Variants in TEAD1 observed in about 807,000 individuals in gnomAD.
The protein encoded by TEAD1 is transcriptional enhancer factor TEF-1.
A neutral mutation model predicts 54.9 loss-of-function variants in TEAD1; 9 were observed. That is an observed-to-expected ratio of 0.16 (90% confidence interval 0.10 to 0.29). The LOEUF (loss-of-function observed/expected upper bound fraction) is 0.29, where lower values mean the gene tolerates loss of function less well. TEAD1 is among the 10% of genes least tolerant of loss of function. The probability of loss-of-function intolerance (pLI) is 1.00; values close to 1 mark genes in which losing one functional copy is unlikely to be tolerated. For missense variants in TEAD1, 387 were observed against 535.9 expected, an observed-to-expected ratio of 0.72 and a Z score of 2.74; for synonymous variants, 200 against 187.8, an observed-to-expected ratio of 1.07 and a Z score of -0.53.
intron 3 of TEAD1, among the ~76,000 whole-genome samples, chr11:12,791,028 C>T (rs1029553518): frequency 6.6e-6 from 1 of 152,206 alleles, no homozygotes; most frequent in Non-Finnish European, 1.5e-5. Flanking sequence ...TATGTCCACG[C>T]AAAGACTTGT....
chr11:12,906,102 C>T (rs1211280538), intron 10 of TEAD1, among the ~76,000 whole-genome samples: 3 of 152,128 alleles, frequency 2.0e-5, no homozygotes, highest in African/African-American at 7.2e-5. Context: ...ATGAGTACCC[C>T]TCTACCATAT....
intron 3 of TEAD1, among the ~76,000 whole-genome samples, chr11:12,780,043 A>G (rs1331756411): frequency 6.6e-6 from 1 of 152,152 alleles, no homozygotes; most frequent in Non-Finnish European, 1.5e-5. Context: ...CTTCAATATT[A>G]TACTGGAGTA....
At chr11:12,838,926 G>A (rs1286022713) in intron 3 of TEAD1, among the ~76,000 whole-genome samples, 2 of 152,264 alleles carry the variant, frequency 1.3e-5, no homozygotes, top group South Asian at 2.1e-4. Flanking sequence ...ACATAAAATG[G>A]TTTCTCAACA....
chr11:12,696,780 G>A (rs1306414454), intron 2 of TEAD1, among the ~76,000 whole-genome samples: 1 of 152,030 alleles, frequency 6.6e-6, no homozygotes, highest in African/African-American at 2.4e-5. Flanking sequence ...GCTCCATTTG[G>A]TTACATGTGC....
At chr11:12,739,463 T>C (rs1333294931) in intron 2 of TEAD1, among the ~76,000 whole-genome samples, 1 of 152,172 alleles carries the variant, frequency 6.6e-6, no homozygotes, top group Non-Finnish European at 1.5e-5. Flanking sequence ...CTCCTAGCCC[T>C]TGTCAACCAC....
At chr11:12,719,585 G>GGA (rs1944139313) in intron 2 of TEAD1, among the ~76,000 whole-genome samples, 2 of 137,188 alleles carry the variant, frequency 1.5e-5, no homozygotes, top group African/African-American at 5.4e-5. Context: ...GGGGGGAGGG[G>GGA]GGGCGGGGGG....
chr11:12,777,167 A>T (rs1212911053), intron 3 of TEAD1, among the ~76,000 whole-genome samples: 1 of 152,058 alleles, frequency 6.6e-6, no homozygotes, highest in Non-Finnish European at 1.5e-5. Flanking sequence ...CACAGTCTTA[A>T]AGGTGTGATA....
chr11:12,811,893 T>C (rs1188452294), intron 3 of TEAD1, among the ~76,000 whole-genome samples: 1 of 152,036 alleles, frequency 6.6e-6, no homozygotes, highest in East Asian at 1.9e-4. Context: ...AGTTCTTTCA[T>C]GTCTGGGGTG....
rs1283341511 is a variant in TEAD1 at position 12,837,746 on chromosome 11, T to C, written c.203-24504T>C. Among the ~76,000 whole-genome samples the C allele has an allele frequency of 5.0e-5, 7 of 138,990 alleles. No individual in the cohort carries two copies. The South Asian group carries it at 1.6e-3, about 32-fold the overall frequency. 91.2% of individuals were successfully genotyped at this position (138,990 alleles called of 152,430 possible). A position where few individuals can be genotyped will look rare whatever the true frequency, so the allele number is the denominator to read the frequency against. On this transcript the variant is annotated intron_variant, in intron 3 of 12. Transcript: ENST00000527636. ...CTTCTTCTTCTCCTCCTCCTTCTTC[T>C]TCCTCCTCTTCCTCTTCTTCTTCCT...
intron 3 of TEAD1, 28 bp from the exon 4 acceptor site, chr11:12,862,222 C>T: frequency 6.2e-7 from 1 of 1,603,012 alleles, no homozygotes; most frequent in African/African-American, 1.3e-5. Flanking sequence ...TGGTAACCCA[C>T]CTCATGGTAA....
chr11:12,881,433 A>C (rs1379550809), intron 7 of TEAD1, among the ~76,000 whole-genome samples: 3 of 152,122 alleles, frequency 2.0e-5, no homozygotes, highest in Non-Finnish European at 4.4e-5. Flanking sequence ...CTAGTAGACA[A>C]ATCCTACTGA....
chr11:12,808,925 T>TCTCGCAAAA (rs1564947221), intron 3 of TEAD1, among the ~76,000 whole-genome samples: 1 of 152,114 alleles, frequency 6.6e-6, no homozygotes, highest in Non-Finnish European at 1.5e-5. Context: ...GCTGCATAAT[T>TCTCGCAAAA]CTCGCAAAAT....
intron 3 of TEAD1, among the ~76,000 whole-genome samples, chr11:12,846,988 C>T (rs1029887477): frequency 6.6e-6 from 1 of 152,128 alleles, no homozygotes; most frequent in Non-Finnish European, 1.5e-5. Context: ...TTCTGCATTC[C>T]ATAAGCATCC....
intron 2 of TEAD1, among the ~76,000 whole-genome samples, chr11:12,676,559 T>G (rs565368921): frequency 6.6e-6 from 1 of 152,226 alleles, no homozygotes; most frequent in Non-Finnish European, 1.5e-5. Flanking sequence ...TCTGAATGCT[T>G]ACAAGGACTA....
intron 2 of TEAD1, among the ~76,000 whole-genome samples, chr11:12,760,902 C>G (rs1945089284): frequency 6.6e-6 from 1 of 152,106 alleles, no homozygotes; most frequent in African/African-American, 2.4e-5. Flanking sequence ...AAATTCTCTG[C>G]CCATATGTAA....
Position 12,898,401 on chromosome 11 carries a change from T to G in TEAD1, c.700-3539T>G, listed in dbSNP as rs113967933. The stretch of plus-strand genomic sequence containing the variant: ...TATAATTTATTGAACATGAACACTT[T>G]TTTTTTTTTTTGAGACGGAGTATCT... On this transcript the variant is annotated intron_variant, in intron 9 of 12. Coordinates refer to ENST00000527636, the MANE Select transcript of TEAD1 (RefSeq NM_021961.6). Among the ~76,000 whole-genome samples, 715 of 151,572 alleles carry G rather than the reference T, an allele frequency of 4.7e-3. 1 individual carries two copies. Among genetic ancestry groups the G allele is most frequent in the African/African-American group, 0.016 (673 of 41,396 alleles).
At chr11:12,877,646 T>G in intron 5 of TEAD1, among the ~76,000 whole-genome samples, 1 of 149,102 alleles carries the variant, frequency 6.7e-6, no homozygotes, top group African/African-American at 2.5e-5. Context: ...GCAACAAGAG[T>G]GAAACTCCAT....
chr11:12,916,848 T>C (rs572013657), intron 10 of TEAD1, among the ~76,000 whole-genome samples: 7 of 151,978 alleles, frequency 4.6e-5, no homozygotes, highest in African/African-American at 1.7e-4. Flanking sequence ...CCTGAAGAAC[T>C]ATGTGGGTGA....
At position 12,700,532 on chromosome 11, in the gene TEAD1, G is replaced by C. The variant is rs79266468; in HGVS notation, c.-55+24971G>C. 2.0e-5 allele frequency among the ~76,000 whole-genome samples: 3 copies of C among 152,314 alleles called. No individual in the cohort carries two copies. The East Asian group carries it at 5.8e-4, about 29-fold the overall frequency. Reference sequence around the variant, plus strand: ...AATGATGTTATACCTGTGGGGTGCAGTGGAAACGAGTTTTGCGTATATTTT... The same window carrying C: ...AATGATGTTATACCTGTGGGGTGCACTGGAAACGAGTTTTGCGTATATTTT... On this transcript the variant is annotated intron_variant, in intron 2 of 12. Coordinates refer to ENST00000527636, the MANE Select transcript of TEAD1 (RefSeq NM_021961.6).
Sources: allele counts gnomAD v4.1 joint callset (sites outside exome capture counted in the v4.1 genomes callset), GRCh38; gene constraint gnomAD v4.1.1; transcripts MANE v1.5; gene names NCBI Gene and HGNC (gene_info 2026-07-23, HGNC 2026-07-21).